The following ADRA1A variants were observed in gnomAD, a reference collection of about 807,000 sequenced individuals.
ADRA1A encodes the protein alpha-1A adrenergic receptor.
A neutral mutation model predicts 29.6 loss-of-function variants in ADRA1A; 31 were observed. That is an observed-to-expected ratio of 1.05 (90% confidence interval 0.79 to 1.41). The LOEUF is 1.41. Ranked by LOEUF, ADRA1A falls within the 40% of genes most tolerant of loss-of-function variation. The pLI, the probability that ADRA1A is intolerant of heterozygous loss-of-function variation, is 0.00. For synonymous variants in ADRA1A, 311 were observed against 254.3 expected, an observed-to-expected ratio of 1.22 and a Z score of -2.12; for missense variants, 619 against 601.1, an observed-to-expected ratio of 1.03 and a Z score of -0.31.
At chr8:26,816,533 A>ATGTGTGTGTATGTGTG (rs1172164208) in intron 2 of ADRA1A, among the ~76,000 whole-genome samples, 1 of 147,506 alleles carries the variant, frequency 6.8e-6, no homozygotes, top group Non-Finnish European at 1.5e-5. Flanking sequence ...CTCATGGTGT[A>ATGTGTGTGTATGTGTG]TGTGTGTGTG....
chr8:26,815,246 G>A lies in ADRA1A; in HGVS notation c.884-44580C>T, dbSNP rs531348703. On this transcript the variant is annotated intron_variant, in intron 2 of 2. Coordinates refer to ENST00000380573, the MANE Select transcript of ADRA1A (RefSeq NM_000680.4). The surrounding 1 kb of genome is among the most constrained non-coding windows in gnomAD (Gnocchi z 4.2). ...AAATCACATGCAGATTTCCTTTTCT[G>A]GAAATAGGGCATTCTAGAATACTGA... is the stretch of plus-strand genomic sequence containing the variant. 6.6e-6 allele frequency among the ~76,000 whole-genome samples: 1 copy of A among 152,214 alleles called. No individual in the cohort carries two copies. The highest frequency in any genetic ancestry group is 2.4e-5 in the African/African-American group (1 of 41,556).
downstream of ADRA1A, among the ~76,000 whole-genome samples, chr8:26,751,717 A>G (rs769607725): frequency 2.6e-5 from 4 of 152,252 alleles, no homozygotes; most frequent in Non-Finnish European, 5.9e-5. Flanking sequence ...AGGCATCAGT[A>G]TTGTGTTAAC....
At chr8:26,778,873 A>T (rs904998996) in intron 2 of ADRA1A, among the ~76,000 whole-genome samples, 1 of 151,988 alleles carries the variant, frequency 6.6e-6, no homozygotes, top group Admixed American at 6.6e-5. Flanking sequence ...CAGCACACCA[A>T]CATGGCACAT....
chr8:26,864,295 G>C lies in ADRA1A; in HGVS notation c.675C>G (p.Asp225Glu). The change falls in exon 2 of 3, where the codon GAC becomes GAG. Residue 225 changes from aspartate (D) to glutamate (E), a missense_variant. Coordinates refer to ENST00000380573, the MANE Select transcript of ADRA1A (RefSeq NM_000680.4). The surrounding 1 kb of genome is among the most constrained non-coding windows in gnomAD (Gnocchi z 8.1). ...SRGLKSGLKT[D>E]KSDSEQVTLR... ...GCGTCACTTGCTCCGAGTCCGACTT[G>C]TCGGTCTTGAGGCCAGACTTGAGGC... The C allele has an allele frequency of 6.2e-7, 1 of 1,614,124 alleles. No individual in the cohort carries two copies. The highest frequency in any genetic ancestry group is 8.5e-7 in the Non-Finnish European group (1 of 1,180,028).
intron 2 of ADRA1A, among the ~76,000 whole-genome samples, chr8:26,812,204 T>G (rs770364401): frequency 4.6e-5 from 7 of 152,194 alleles, no homozygotes; most frequent in Non-Finnish European, 8.8e-5. Flanking sequence ...TTTTCCTTCT[T>G]CGACATTCTC....
At chr8:26,840,127 G>A (rs996938954) in intron 2 of ADRA1A, among the ~76,000 whole-genome samples, 22 of 152,316 alleles carry the variant, frequency 1.4e-4, no homozygotes, top group African/African-American at 5.1e-4. Flanking sequence ...ACATTCGAAT[G>A]GATGCAACAT....
rs556005204 is a variant in ADRA1A, at chr8:26,821,926, T to A, written c.883+42161A>T. The stretch of plus-strand genomic sequence containing the variant: ...CTTCATCTAGAGAATGTTGCACATA[T>A]CAATAGCTTGCTATTTTTTATTGCT... On this transcript the variant is annotated intron_variant, in intron 2 of 2. Coordinates refer to ENST00000380573, the MANE Select transcript of ADRA1A (RefSeq NM_000680.4). This position sits in a 1 kb window ranked among gnomAD's most constrained non-coding sequence, Gnocchi z 5.6. Among the ~76,000 whole-genome samples, 230 of 152,348 alleles carry A rather than the reference T, an allele frequency of 1.5e-3. 1 individual carries two copies. The highest frequency in any genetic ancestry group is 2.5e-3 in the Non-Finnish European group (169 of 68,020).
chr8:26,827,613 TTTTC>T (rs529900756), intron 2 of ADRA1A, among the ~76,000 whole-genome samples: 14 of 151,646 alleles, frequency 9.2e-5, no homozygotes, highest in African/African-American at 3.1e-4. Flanking sequence ...TTTTTCTTTC[TTTTC>T]TTTCTTTTTT....
chr8:26,749,785 G>T (rs1804844335), intron 2 of ADRA1A, among the ~76,000 whole-genome samples: 1 of 152,100 alleles, frequency 6.6e-6, no homozygotes, highest in Admixed American at 6.5e-5. Flanking sequence ...GCACAATCTG[G>T]CTGGTTGTTC....
chr8:26,822,267 G>A (rs1810228008), intron 2 of ADRA1A, among the ~76,000 whole-genome samples: 1 of 152,168 alleles, frequency 6.6e-6, no homozygotes, highest in African/African-American at 2.4e-5. Flanking sequence ...TGATATGAGA[G>A]CAAATCTCTC....
At chr8:26,811,427 C>G (rs530943885) in intron 2 of ADRA1A, among the ~76,000 whole-genome samples, 1 of 152,188 alleles carries the variant, frequency 6.6e-6, no homozygotes, top group African/African-American at 2.4e-5. Flanking sequence ...CTCCTGACCT[C>G]GTGATCCACC....
chr8:26,791,850 C>T (rs1246136344), intron 2 of ADRA1A, among the ~76,000 whole-genome samples: 1 of 152,144 alleles, frequency 6.6e-6, no homozygotes, highest in Non-Finnish European at 1.5e-5. Context: ...CTGGGTGCCA[C>T]AAAGATGCAT....
At chr8:26,863,214 A>C (rs1245920272) in intron 2 of ADRA1A, among the ~76,000 whole-genome samples, 1 of 152,232 alleles carries the variant, frequency 6.6e-6, no homozygotes, top group African/African-American at 2.4e-5. Context: ...GCACACAACC[A>C]TTTTGGGATC....
rs149984985 is a variant in ADRA1A at position 26,864,919 on chromosome 8, C to T, written c.51G>A (p.Pro17=). ...NASDSSNCTQ[P]PAPVNISKAI... is the part of the protein sequence containing the mutation. ...CCTTGGAAATGTTCACCGGTGCCGG[C>T]GGTTGGGTGCAGTTGGAGCTGTCGG... Residue 17 remains proline (P), a synonymous_variant, in exon 2 of 3, where the codon CCG becomes CCA. Transcript: ENST00000380573. This position sits in a 1 kb window ranked among gnomAD's most constrained non-coding sequence, Gnocchi z 8.1. The T allele has an allele frequency of 6.2e-7, 1 of 1,613,236 alleles. No homozygotes were observed. Among genetic ancestry groups the T allele is most frequent in the South Asian group, 1.1e-5 (1 of 91,054 alleles).
chr8:26,763,883 A>G (rs549534649), downstream of ADRA1A, among the ~76,000 whole-genome samples: 178 of 152,324 alleles, frequency 1.2e-3, no homozygotes, highest in Admixed American at 2.4e-3. The surrounding 1 kb of genome is among the most constrained non-coding windows in gnomAD (Gnocchi z 4.5). Flanking sequence ...TGACCCCACA[A>G]TGCCTAAAAT....
chr8:26,749,613 T>C (rs985032131), intron 2 of ADRA1A, among the ~76,000 whole-genome samples: 1 of 152,264 alleles, frequency 6.6e-6, no homozygotes. Flanking sequence ...TTTCAATTTA[T>C]ATCCACATAT....
intron 2 of ADRA1A, among the ~76,000 whole-genome samples, chr8:26,808,664 G>A (rs1809168402): frequency 6.6e-6 from 1 of 152,178 alleles, no homozygotes; most frequent in Admixed American, 6.5e-5. Flanking sequence ...CTAGTGAAAA[G>A]TATACACTGA....
Position 26,769,020 on chromosome 8 carries a change from A to T in ADRA1A, c.*1129T>A, listed in dbSNP as rs1021169032. ...CCATCAGTATTGTCTGAAGCTAAGC[A>T]TTAGTATTTTTCAAAGTTCGGGAAT... On this transcript the variant is annotated 3_prime_UTR_variant, in exon 3 of 3. Coordinates refer to ENST00000380573, the MANE Select transcript of ADRA1A (RefSeq NM_000680.4). 1.0e-6 allele frequency: 1 copy of T among 985,344 alleles called. No individual in the cohort carries two copies. Among genetic ancestry groups the T allele is most frequent in the Non-Finnish European group, 1.2e-6 (1 of 829,944 alleles). 61.0% of individuals were successfully genotyped at this position (985,344 alleles called of 1,614,324 possible).
chr8:26,782,623 G>A (rs780342280), intron 2 of ADRA1A, among the ~76,000 whole-genome samples: 7 of 152,128 alleles, frequency 4.6e-5, no homozygotes, highest in Non-Finnish European at 8.8e-5. Flanking sequence ...ATTCTCATCT[G>A]AGAACTGGCT....
Sources: gnomAD v4.1 joint callset for allele counts (sites outside exome capture counted in the v4.1 genomes callset) on GRCh38, gnomAD v4.1.1 for gene constraint, Gnocchi (gnomAD v3.1) non-coding constraint, MANE v1.5 for transcripts, NCBI Gene and HGNC (gene_info 2026-07-23, HGNC 2026-07-21) for gene names.